SAMSN1: variants seen among roughly 807,000 people sequenced by gnomAD.
SAMSN1 encodes SAM domain, SH3 domain and nuclear localization signals 1, also known as SAM domain-containing protein SAMSN-1.
Under a neutral mutation model 42.0 loss-of-function variants are expected in SAMSN1, and 31 were observed. That is an observed-to-expected ratio of 0.74 (90% CI 0.55 to 1.00). The LOEUF (loss-of-function observed/expected upper bound fraction) is 1.00, where lower values mean the gene tolerates loss of function less well. SAMSN1 is among the 50% of genes least tolerant of loss of function. SAMSN1 has a pLI of 0.00. For synonymous variants in SAMSN1, 178 were observed against 151.9 expected, an observed-to-expected ratio of 1.17 and a Z score of -1.26; for missense variants, 464 against 439.4, an observed-to-expected ratio of 1.06 and a Z score of -0.50.
intron 2 of SAMSN1, among the ~76,000 whole-genome samples, chr21:14,616,326 C>A (rs1982837411): frequency 6.6e-6 from 1 of 151,848 alleles, no homozygotes. Flanking sequence ...AAAAAAACAA[C>A]AGGTCTTTTA....
At chr21:14,570,824 A>T (rs547875643) in intron 2 of SAMSN1, among the ~76,000 whole-genome samples, 2 of 152,296 alleles carry the variant, frequency 1.3e-5, no homozygotes, top group South Asian at 4.1e-4. Context: ...CAAATCAACA[A>T]GAAATATCAA....
chr21:14,637,613 T>C (rs1600978227), intron 2 of SAMSN1, among the ~76,000 whole-genome samples: 4 of 152,276 alleles, frequency 2.6e-5, no homozygotes, highest in Admixed American at 2.6e-4. Flanking sequence ...CTGCCAGAAG[T>C]TGCAGCAAAG....
intron 6 of SAMSN1, chr21:14,594,580 A>C (rs1428626501): frequency 6.6e-6 from 1 of 152,270 alleles, no homozygotes; most frequent in Non-Finnish European, 1.5e-5. Flanking sequence ...ATCTCAAGTC[A>C]TAGTGTGGGA....
chr21:14,588,870 CA>C (rs148116431), intron 7 of SAMSN1, among the ~76,000 whole-genome samples: 43,247 of 151,784 alleles, frequency 0.28, 6,938 homozygotes, highest in African/African-American at 0.45. Context: ...GTTTTCTTTT[CA>C]CTTTTGTCTT....
chr21:14,617,358 T>A (rs1982866598), intron 2 of SAMSN1, among the ~76,000 whole-genome samples: 1 of 152,206 alleles, frequency 6.6e-6, no homozygotes, highest in Non-Finnish European at 1.5e-5. Context: ...TTGGGCCAGA[T>A]CTTTCCAAAC....
At chr21:14,613,415 T>C (rs1344220827) in intron 3 of SAMSN1, among the ~76,000 whole-genome samples, 1 of 152,164 alleles carries the variant, frequency 6.6e-6, no homozygotes, top group African/African-American at 2.4e-5. Context: ...AATATCACTG[T>C]CAAAAAAATA....
chr21:14,495,883 G>C (rs1351821747), intron 7 of SAMSN1: 1 of 151,550 alleles, frequency 6.6e-6, no homozygotes, highest in East Asian at 1.9e-4. Context: ...TTTGCATCAG[G>C]TGTTTCTTTT....
upstream of SAMSN1, chr21:14,583,649 C>G: frequency 5.6e-6 from 4 of 717,108 alleles, no homozygotes; most frequent in East Asian, 5.4e-5. Flanking sequence ...TTCTTACTTA[C>G]GGAGGTTTAT....
intron 2 of SAMSN1, among the ~76,000 whole-genome samples, chr21:14,566,867 G>A (rs577316696): frequency 6.6e-6 from 1 of 151,918 alleles, no homozygotes; most frequent in African/African-American, 2.4e-5. Context: ...AGCCATGTTA[G>A]TGTTATCCAG....
chr21:14,511,120 A>G (rs999512177), intron 4 of SAMSN1, among the ~76,000 whole-genome samples: 1 of 152,090 alleles, frequency 6.6e-6, no homozygotes, highest in Non-Finnish European at 1.5e-5. Context: ...ACCACTTCAC[A>G]TCTTCCTTCA....
chr21:14,575,012 G>A (rs556187981), intron 2 of SAMSN1, among the ~76,000 whole-genome samples: 9 of 151,974 alleles, frequency 5.9e-5, no homozygotes, highest in South Asian at 2.1e-4. Context: ...TTATTCTTCC[G>A]TTTTACCGTT....
chr21:14,529,476 A>T (rs929684235), intron 1 of SAMSN1, among the ~76,000 whole-genome samples: 9 of 152,220 alleles, frequency 5.9e-5, no homozygotes, highest in Non-Finnish European at 1.2e-4. Context: ...AACTAATGAC[A>T]ATAATTTGTT....
intron 1 of SAMSN1, among the ~76,000 whole-genome samples, chr21:14,655,747 C>A (rs1321191994): frequency 1.3e-5 from 2 of 151,662 alleles, no homozygotes; most frequent in Non-Finnish European, 3.0e-5. Flanking sequence ...TGGCTGATAT[C>A]ATAGCATTCC....
intron 5 of SAMSN1, among the ~76,000 whole-genome samples, chr21:14,504,763 A>G (rs1179329681): frequency 6.6e-6 from 1 of 152,232 alleles, no homozygotes; most frequent in Non-Finnish European, 1.5e-5. Flanking sequence ...TAGGAAATTC[A>G]TTGCAAAGAG....
intron 2 of SAMSN1, among the ~76,000 whole-genome samples, chr21:14,621,753 G>C (rs1983014441): frequency 1.3e-5 from 2 of 152,224 alleles, no homozygotes; most frequent in Non-Finnish European, 2.9e-5. Context: ...AAATGTCCCT[G>C]TCTGACAGCT....
intron 5 of SAMSN1, among the ~76,000 whole-genome samples, 162 bp downstream of exon 5, chr21:14,510,148 A>G (rs1987618760): frequency 6.6e-6 from 1 of 151,952 alleles, no homozygotes; most frequent in Non-Finnish European, 1.5e-5. Context: ...AAAAAAGAAA[A>G]AAAAAAAAGA....
chr21:14,595,705 C>T (rs1982241331), intron 6 of SAMSN1, among the ~76,000 whole-genome samples: 1 of 152,142 alleles, frequency 6.6e-6, no homozygotes, highest in Non-Finnish European at 1.5e-5. Flanking sequence ...TGTTTTTACT[C>T]ATATAAATGT....
intron 4 of SAMSN1, among the ~76,000 whole-genome samples, chr21:14,611,490 T>G (rs142572808): frequency 1.3e-4 from 20 of 152,360 alleles, no homozygotes; most frequent in African/African-American, 4.3e-4. Context: ...AGTCACTATT[T>G]GCTCATATGT....
chr21:14,565,257 C>G (rs1190273326), intron 2 of SAMSN1, among the ~76,000 whole-genome samples: 6 of 145,460 alleles, frequency 4.1e-5, no homozygotes, highest in Non-Finnish European at 6.0e-5. Context: ...GATCACACCA[C>G]TGAACTCCAG....
Sources: gnomAD v4.1 joint callset for allele counts (sites outside exome capture counted in the v4.1 genomes callset) on GRCh38, gnomAD v4.1.1 for gene constraint, MANE v1.5 for transcripts, NCBI Gene and HGNC (gene_info 2026-07-23, HGNC 2026-07-21) for gene names.